Variants in IMPG2 observed in about 807,000 individuals in gnomAD.
IMPG2 encodes interphotoreceptor matrix proteoglycan 2, also known as IPM 200.
In IMPG2, 91 loss-of-function variants were observed where a neutral mutation model predicts 129.2. That is an observed-to-expected ratio of 0.70 (90% confidence interval 0.59 to 0.84). IMPG2 has a LOEUF of 0.84. IMPG2 is among the 40% of genes least tolerant of loss of function. IMPG2 has a pLI of 0.00. For synonymous variants in IMPG2, 510 were observed against 517.7 expected, an observed-to-expected ratio of 0.99 and a Z score of 0.20; for missense variants, 1,430 against 1,461.7, an observed-to-expected ratio of 0.98 and a Z score of 0.35.
intron 3 of IMPG2, among the ~76,000 whole-genome samples, chr3:101,297,157 C>A (rs1707088608): frequency 6.6e-6 from 1 of 152,136 alleles, no homozygotes; most frequent in African/African-American, 2.4e-5. Flanking sequence ...ATCCGCCCAC[C>A]TCAGCCTCCC....
chr3:101,301,732 G>C (rs1239544962), intron 3 of IMPG2, among the ~76,000 whole-genome samples: 2 of 152,116 alleles, frequency 1.3e-5, no homozygotes, highest in Admixed American at 1.3e-4. Context: ...CATCTCTCAA[G>C]TTTCCTTTGT....
intron 3 of IMPG2, 57 bp downstream of exon 3, chr3:101,304,089 G>C (rs1186551973): frequency 6.3e-7 from 1 of 1,576,312 alleles, no homozygotes; most frequent in Non-Finnish European, 8.7e-7. Context: ...TTAGGCCTTA[G>C]CTGTGTAAAT....
chr3:101,304,063 C>G, intron 3 of IMPG2, 83 bp downstream of exon 3: 1 of 1,447,164 alleles, frequency 6.9e-7, no homozygotes, highest in Non-Finnish European at 9.7e-7. Flanking sequence ...GCATTTGCCA[C>G]TTGCTTTTGC....
At position 101,244,349 on chromosome 3, in the gene IMPG2, A is replaced by G. The variant is rs760173282; in HGVS notation, c.1982T>C (p.Ile661Thr). Residue 661 changes from isoleucine (I) to threonine (T), a missense_variant, in exon 13 of 19, where the codon ATT becomes ACT. Transcript: ENST00000193391. ...LVDKMDSTDQ[I>T]SKHSKYEHDD... ...ATGTTCATATTTTGAGTGCTTACTA[A>G]TTTGGTCTGTGGAATCCATTTTGTC... The G allele has an allele frequency of 6.2e-7, 1 of 1,614,080 alleles. No homozygotes were observed. The highest frequency in any genetic ancestry group is 1.1e-5 in the South Asian group (1 of 91,078).
chr3:101,306,745 A>T (rs1452997563), intron 2 of IMPG2, among the ~76,000 whole-genome samples: 1 of 152,138 alleles, frequency 6.6e-6, no homozygotes, highest in African/African-American at 2.4e-5. Flanking sequence ...TATACACAAA[A>T]AATGATTTGA....
At chr3:101,264,993 G>C (rs1706707598) in intron 9 of IMPG2, among the ~76,000 whole-genome samples, 2 of 151,884 alleles carry the variant, frequency 1.3e-5, no homozygotes, top group African/African-American at 4.8e-5. Context: ...AACCAAGCAG[G>C]TGAAAGACCT....
rs1430896824 is a variant in IMPG2, at chr3:101,273,719, C to G, written c.690G>C (p.Val230=). 2 of 1,614,112 alleles carry G rather than the reference C, an allele frequency of 1.2e-6. No homozygotes were observed. Among genetic ancestry groups the G allele is most frequent in the Non-Finnish European group, 1.7e-6 (2 of 1,179,994 alleles). The change falls in exon 7 of 19, where the codon GTG becomes GTC. Residue 230 remains valine, a synonymous_variant. Transcript: ENST00000193391. ...EESISNEIEN[V]IEEATKPAGE... ...CTGCTGGTTTTGTGGCTTCTTCTAT[C>G]ACATTCTCAATTTCATTGCTAATCT...
chr3:101,243,947 C>T lies in IMPG2; in HGVS notation c.2384G>A (p.Arg795Lys). Residue 795 changes from arginine (R) to lysine (K), a missense_variant, in exon 13 of 19, where the codon AGA (arginine) becomes AAA (lysine). Coordinates refer to ENST00000193391, the MANE Select transcript of IMPG2 (RefSeq NM_016247.4). ...CTGTGGTGTACTTGCCAATATGTCTCTGGACAATTTCTCTAGGGAAGAAGT... is the reference window on the plus strand; with the variant it reads ...CTGTGGTGTACTTGCCAATATGTCTTTGGACAATTTCTCTAGGGAAGAAGT... ...TRTSSLEKLSRDILASTPQSA... is the reference protein window; with the variant it reads ...TRTSSLEKLSKDILASTPQSA... The T allele has an allele frequency of 6.2e-7, 1 of 1,614,182 alleles. No individual in the cohort carries two copies. Among genetic ancestry groups the T allele is most frequent in the Non-Finnish European group, 8.5e-7 (1 of 1,180,022 alleles).
chr3:101,297,120 G>C (rs1193552702), intron 3 of IMPG2, among the ~76,000 whole-genome samples: 4 of 152,092 alleles, frequency 2.6e-5, no homozygotes, highest in African/African-American at 4.8e-5. Context: ...ATGTTAGCCG[G>C]GATGGTCTCG....
At position 101,244,013 on chromosome 3, in the gene IMPG2, A is replaced by G; in HGVS notation, c.2318T>C (p.Leu773Ser). Residue 773 changes from leucine to serine, a missense_variant, in exon 13 of 19, where the codon TTG (leucine) becomes TCG (serine). Coordinates refer to ENST00000193391, the MANE Select transcript of IMPG2 (RefSeq NM_016247.4). ...CTCTGATTCTGGCAATATAGTCCACAAAGTTTGCATATCTGGCTTTACCAT... is the reference window on the plus strand; with the variant it reads ...CTCTGATTCTGGCAATATAGTCCACGAAGTTTGCATATCTGGCTTTACCAT... ...VSMVKPDMQT[L>S]WTILPESERV... 6.2e-7 allele frequency: 1 copy of G among 1,614,208 alleles called. No homozygotes were observed. Among genetic ancestry groups the G allele is most frequent in the Admixed American group, 1.7e-5 (1 of 60,028 alleles).
At position 101,262,783 on chromosome 3, in the gene IMPG2, AC is replaced by A. The variant is rs1238294371; in HGVS notation, c.908+4727del. On this transcript the variant is annotated intron_variant, in intron 9 of 18. Transcript: ENST00000193391. ...CTGAAAGGATAACAAAAAAAAAAAA[AC>A]AAACTATATGCTGCCTACAAGAAAC... Among the ~76,000 whole-genome samples the A allele has an allele frequency of 1.7e-3, 263 of 150,984 alleles. 1 individual carries two copies. The highest frequency in any genetic ancestry group is 6.3e-3 in the African/African-American group (257 of 40,952).
intron 2 of IMPG2, among the ~76,000 whole-genome samples, chr3:101,306,344 T>C (rs1707189127): frequency 6.6e-6 from 1 of 152,188 alleles, no homozygotes; most frequent in Non-Finnish European, 1.5e-5. Flanking sequence ...GTATTGAAAG[T>C]TTCTCTATCA....
At chr3:101,308,039 T>C (rs750438171) in intron 2 of IMPG2, among the ~76,000 whole-genome samples, 9 of 152,240 alleles carry the variant, frequency 5.9e-5, no homozygotes, top group Non-Finnish European at 1.2e-4. Flanking sequence ...TCTGACTCCA[T>C]GTCTCACATC....
intron 10 of IMPG2, among the ~76,000 whole-genome samples, chr3:101,257,079 C>T (rs1706618400): frequency 6.6e-6 from 1 of 152,060 alleles, no homozygotes; most frequent in African/African-American, 2.4e-5. Flanking sequence ...TTCTGCATGG[C>T]AACCATTATC....
chr3:101,246,411 A>G (rs1458050783), intron 11 of IMPG2, among the ~76,000 whole-genome samples: 1 of 152,200 alleles, frequency 6.6e-6, no homozygotes, highest in Non-Finnish European at 1.5e-5. Flanking sequence ...TAGATGGTTC[A>G]TTTTCCTCTG....
In IMPG2 at chr3:101,226,301, GA is replaced by G. The variant is rs2107200509; in HGVS notation, c.*667del. On this transcript the variant is annotated 3_prime_UTR_variant, in exon 19 of 19. Transcript: ENST00000193391. Reference sequence around the variant, plus strand: ...TATATGCATTCATCCTGAAAACTAAGAAAAAAAGGATATTAACATAGTTAAC... The same window carrying G: ...TATATGCATTCATCCTGAAAACTAAGAAAAAAGGATATTAACATAGTTAAC... The G allele has an allele frequency of 9.2e-6, 1 of 108,928 alleles. No individual in the cohort carries two copies. Among genetic ancestry groups the G allele is most frequent in the Non-Finnish European group, 1.9e-5 (1 of 52,896 alleles). The allele number at this position is 108,928 out of a possible 1,614,324, so 6.7% of individuals were successfully genotyped here. A position where few individuals can be genotyped will look rare whatever the true frequency, so the allele number is the denominator to read the frequency against.
intron 7 of IMPG2, among the ~76,000 whole-genome samples, chr3:101,272,572 G>A (rs1425661875): frequency 6.6e-6 from 1 of 152,088 alleles, no homozygotes; most frequent in East Asian, 1.9e-4. Flanking sequence ...TTAATCAAAG[G>A]ACAGAGAAAA....
intron 9 of IMPG2, 62 bp downstream of exon 9, chr3:101,267,449 C>G: frequency 7.3e-7 from 1 of 1,366,926 alleles, no homozygotes; most frequent in Non-Finnish European, 1.0e-6. Flanking sequence ...GACCTACGGC[C>G]TGCTATATTT....
At chr3:101,298,388 C>T in intron 3 of IMPG2, among the ~76,000 whole-genome samples, 1 of 152,084 alleles carries the variant, frequency 6.6e-6, no homozygotes, top group East Asian at 1.9e-4. Flanking sequence ...GGCATTTAGC[C>T]CATTTACACT....
Sources: gnomAD v4.1 joint callset for allele counts (sites outside exome capture counted in the v4.1 genomes callset) on GRCh38, gnomAD v4.1.1 for gene constraint, MANE v1.5 for transcripts, NCBI Gene and HGNC (gene_info 2026-07-23, HGNC 2026-07-21) for gene names.